GMFG: variants seen among roughly 807,000 people sequenced by gnomAD.
GMFG encodes glia maturation factor gamma.
A neutral mutation model predicts 26.1 loss-of-function variants in GMFG; 21 were observed. The observed-to-expected ratio is 0.80, with a 90% CI of 0.57 to 1.16. The LOEUF is 1.16. GMFG is among the 50% of genes most tolerant of loss of function. GMFG has a pLI of 0.00. For synonymous variants in GMFG, 65 were observed against 60.8 expected (o/e 1.07, Z -0.32); for missense variants, 161 against 178.3 (o/e 0.90, Z 0.55).
chr19:39,330,859 C>G (rs1028247247), intron 4 of GMFG, among the ~76,000 whole-genome samples: 5 of 152,076 alleles, frequency 3.3e-5, no homozygotes, highest in Admixed American at 2.0e-4. Context: ...CTCAGCCTCC[C>G]AAAGTGCTGG....
intron 6 of GMFG, 164 bp from the exon 7 acceptor site, chr19:39,328,712 C>T: frequency 1.6e-6 from 1 of 618,352 alleles, no homozygotes. Flanking sequence ...AACCCTGACT[C>T]TACTAAAAAT....
chr19:39,336,039 G>A lies in GMFG; in HGVS notation c.-63C>T. ...CGCTGTCTTCTAGGCGTGGGGACCG[G>A]GGCTGTAGGGGGGCGGGCTGTGCAG... On this transcript the variant is annotated 5_prime_UTR_variant, in exon 1 of 7. Coordinates refer to ENST00000597595, the MANE Select transcript of GMFG (RefSeq NM_004877.4). 1 of 1,302,084 alleles carries A rather than the reference G, an allele frequency of 7.7e-7. No individual in the cohort carries two copies. The highest frequency in any genetic ancestry group is 1.5e-5 in the African/African-American group (1 of 68,936). The allele number at this position is 1,302,084 out of a possible 1,614,324, so 80.7% of individuals were successfully genotyped here.
At chr19:39,331,559 A>G (rs1288081937) in intron 4 of GMFG, among the ~76,000 whole-genome samples, 2 of 152,154 alleles carry the variant, frequency 1.3e-5, no homozygotes, top group Non-Finnish European at 2.9e-5. Context: ...TCTTCCACCA[A>G]AAAAAGCACC....
At chr19:39,330,880 A>C (rs2075223634) in intron 4 of GMFG, among the ~76,000 whole-genome samples, 1 of 151,802 alleles carries the variant, frequency 6.6e-6, no homozygotes, top group Admixed American at 6.6e-5. Context: ...GATTACAGGC[A>C]TGAGCCACTG....
At chr19:39,333,993 T>A (rs1157415607) in intron 3 of GMFG, among the ~76,000 whole-genome samples, 1 of 142,938 alleles carries the variant, frequency 7.0e-6, no homozygotes, top group Non-Finnish European at 1.6e-5. Flanking sequence ...TCTACCCCCT[T>A]TTTTTTTTTT....
chr19:39,328,935 T>C, intron 6 of GMFG, 65 bp downstream of exon 6: 5 of 1,141,956 alleles, frequency 4.4e-6, no homozygotes, highest in Non-Finnish European at 6.7e-6. Flanking sequence ...CTAGTCCCTC[T>C]TCCCTCAGAC....
In GMFG at chr19:39,328,565, C is replaced by T. The variant is rs751027176; in HGVS notation, c.358-17G>A. ...TTCGAACACCTGGGCAGAGAGAGGT[C>T]TCGGCATTATGATCTACTCAAACAC... On this transcript the variant is annotated splice_polypyrimidine_tract_variant and intron_variant, in intron 6 of 6. Transcript: ENST00000597595. 23 of 1,595,154 alleles carry T rather than the reference C, an allele frequency of 1.4e-5. No individual in the cohort carries two copies. The highest frequency in any genetic ancestry group is 2.0e-5 in the Non-Finnish European group (23 of 1,163,168).
Position 39,335,459 on chromosome 19 carries a change from CTTT to C in GMFG, c.73_75del (p.Lys25del). On this transcript the variant is annotated inframe_deletion, in exon 2 of 7. Transcript: ENST00000597595. ...CTTATGATGGCTGCATTGTCTGTCT[CTTT>C]TCGGAAGCGGAATTTCCTCAGCTTT... 6.2e-7 allele frequency: 1 copy of C among 1,613,824 alleles called. No homozygotes were observed. The highest frequency in any genetic ancestry group is 8.5e-7 in the Non-Finnish European group (1 of 1,179,710).
At chr19:39,331,568 C>T (rs1338037348) in intron 4 of GMFG, among the ~76,000 whole-genome samples, 4 of 152,162 alleles carry the variant, frequency 2.6e-5, no homozygotes, top group African/African-American at 9.7e-5. Context: ...AAAAAAAGCA[C>T]CAGGCTCATG....
In GMFG at chr19:39,335,994, G is replaced by C. The variant is rs1376765885; in HGVS notation, c.-18C>G. The C allele has an allele frequency of 6.2e-7, 1 of 1,600,310 alleles. No individual in the cohort carries two copies. Among genetic ancestry groups the C allele is most frequent in the African/African-American group, 1.3e-5 (1 of 74,578 alleles). ...CTGACCATGATTGTTCTGTCCACAGGCCTCTTCTTTTCTTAGTTCCGCTGT... is the reference window on the plus strand; with the variant it reads ...CTGACCATGATTGTTCTGTCCACAGCCCTCTTCTTTTCTTAGTTCCGCTGT... On this transcript the variant is annotated 5_prime_UTR_variant, in exon 1 of 7. Coordinates refer to ENST00000597595, the MANE Select transcript of GMFG (RefSeq NM_004877.4).
At position 39,328,552 on chromosome 19, in the gene GMFG, G is replaced by A. The variant is rs769857010; in HGVS notation, c.358-4C>T. The A allele has an allele frequency of 6.2e-7, 1 of 1,605,776 alleles. No individual in the cohort carries two copies. Among genetic ancestry groups the A allele is most frequent in the Non-Finnish European group, 8.5e-7 (1 of 1,172,672 alleles). On this transcript the variant is annotated splice_polypyrimidine_tract_variant and splice_region_variant and intron_variant, in intron 6 of 6. Coordinates refer to ENST00000597595, the MANE Select transcript of GMFG (RefSeq NM_004877.4). ...CAGTGGTGCGGATTTCGAACACCTG[G>A]GCAGAGAGAGGTCTCGGCATTATGA...
intron 6 of GMFG, chr19:39,328,793 G>A: frequency 1.6e-6 from 1 of 615,058 alleles, no homozygotes; most frequent in Non-Finnish European, 2.9e-6. Context: ...CAGGAGAATT[G>A]CTTGAACCCA....
At chr19:39,328,791 T>C (rs2075214042) in intron 6 of GMFG, 1 of 613,934 alleles carries the variant, frequency 1.6e-6, no homozygotes, top group South Asian at 1.9e-5. Flanking sequence ...GGCAGGAGAA[T>C]TGCTTGAACC....
intron 4 of GMFG, among the ~76,000 whole-genome samples, chr19:39,332,252 C>A (rs962014150): frequency 6.6e-6 from 1 of 151,602 alleles, no homozygotes; most frequent in Non-Finnish European, 1.5e-5. Context: ...ATCGCTTGAA[C>A]CCAGGAGGCG....
At position 39,329,177 on chromosome 19, in the gene GMFG, A is replaced by C. The variant is rs974893234; in HGVS notation, c.284-104T>G. 10 of 757,646 alleles carry C rather than the reference A, an allele frequency of 1.3e-5. No homozygotes were observed. In the African/African-American group the frequency reaches 1.7e-4, roughly 13 times the overall value. 46.9% of individuals were successfully genotyped at this position (757,646 alleles called of 1,614,324 possible). ...CCTGCAGCTTGCCAAGGGTCCTAGG[A>C]GCTCTTCTAAGGAGGTCCCTGCACT... On this transcript the variant is annotated intron_variant, in intron 5 of 6. Coordinates refer to ENST00000597595, the MANE Select transcript of GMFG (RefSeq NM_004877.4).
At chr19:39,331,145 G>A (rs1385866128) in intron 4 of GMFG, among the ~76,000 whole-genome samples, 1 of 152,134 alleles carries the variant, frequency 6.6e-6, no homozygotes, top group Non-Finnish European at 1.5e-5. Context: ...CAGGCAAGGG[G>A]TGCCTTCTGG....
chr19:39,334,331 T>G (rs2075240133), intron 3 of GMFG, among the ~76,000 whole-genome samples: 1 of 152,064 alleles, frequency 6.6e-6, no homozygotes, highest in Non-Finnish European at 1.5e-5. Context: ...GGGGTCTTGC[T>G]TTGTTGCCCA....
rs950173396 is a variant in GMFG, at chr19:39,335,510, C to G, written c.25G>C (p.Glu9Gln). MSDSLVVC[E>Q]VDPELTEKLR... ...TTTTCTGTTAGCTCTGGGTCTACCT[C>G]GCACACCACCAGGGAGTCAGACTGC... Residue 9 changes from glutamate (E) to glutamine (Q), a missense_variant, in exon 2 of 7, where the codon GAG (glutamate) becomes CAG (glutamine). Transcript: ENST00000597595. 6.2e-7 allele frequency: 1 copy of G among 1,613,600 alleles called. No individual in the cohort carries two copies. Among genetic ancestry groups the G allele is most frequent in the Non-Finnish European group, 8.5e-7 (1 of 1,179,516 alleles).
Position 39,329,014 on chromosome 19 carries a change from C to T in GMFG, c.343G>A (p.Ala115Thr). 1.9e-6 allele frequency: 3 copies of T among 1,612,510 alleles called. No individual in the cohort carries two copies. Among genetic ancestry groups the T allele is most frequent in the South Asian group, 1.1e-5 (1 of 91,052 alleles). ...CCAGTCTGAACCTTTGTGAGCTCTG[C>T]TGTCTGCACCAGCCTGTTTTTACTC... is the stretch of plus-strand genomic sequence containing the variant. Reference protein sequence around the residue: ...AGSKNRLVQTAELTKVFEIRT... With the variant: ...AGSKNRLVQTTELTKVFEIRT... The change falls in exon 6 of 7, where the codon GCA (alanine) becomes ACA (threonine). Residue 115 changes from alanine to threonine, a missense_variant. Ala to Thr is a moderately conservative substitution (Grantham distance 58). Transcript: ENST00000597595.
Sources: allele counts gnomAD v4.1 joint callset (sites outside exome capture counted in the v4.1 genomes callset), GRCh38; gene constraint gnomAD v4.1.1; transcripts MANE v1.5; gene names NCBI Gene and HGNC (gene_info 2026-07-23, HGNC 2026-07-21).